PES1: variants seen among roughly 807,000 people sequenced by gnomAD.
PES1 encodes the protein pescadillo homolog.
Under a neutral mutation model 77.1 loss-of-function variants are expected in PES1, and 31 were observed. The ratio of observed to expected loss-of-function variants is 0.40; its 90% confidence interval spans 0.30 to 0.54. The LOEUF (loss-of-function observed/expected upper bound fraction) is 0.54. Among genes scored for constraint, PES1 ranks in the 20% least tolerant of loss-of-function variants. The pLI is 0.45. For missense variants in PES1, 658 were observed against 771.7 expected (o/e 0.85, Z 1.75); for synonymous variants, 282 against 303.0 (o/e 0.93, Z 0.72).
intron 2 of PES1, among the ~76,000 whole-genome samples, chr22:30,598,783 G>A (rs948089531): frequency 2.7e-5 from 4 of 146,694 alleles, no homozygotes; most frequent in African/African-American, 7.6e-5. Context: ...GTTTACATAT[G>A]TTGTATATTG....
At chr22:30,589,126 G>T (rs1227477200) in intron 2 of PES1, 65 bp downstream of exon 2, 27 of 1,188,596 alleles carry the variant, frequency 2.3e-5, no homozygotes, top group Non-Finnish European at 3.1e-5. Flanking sequence ...GGTAAGACAG[G>T]GATGCAGCTG....
intron 2 of PES1, among the ~76,000 whole-genome samples, chr22:30,600,316 T>G (rs910602651): frequency 3.9e-5 from 6 of 152,168 alleles, no homozygotes; most frequent in African/African-American, 1.4e-4. Context: ...CTTCAGCCTC[T>G]CGGCTCCTTC....
At chr22:30,606,003 C>G (rs907179261) in intron 1 of PES1, among the ~76,000 whole-genome samples, 1 of 152,202 alleles carries the variant, frequency 6.6e-6, no homozygotes. Flanking sequence ...ACCCTCTCTT[C>G]TCACACAGGA....
In PES1 at chr22:30,579,926, C is replaced by A; in HGVS notation, c.1179G>T (p.Val393=). Reference sequence around the variant, plus strand: ...CTGAGTCAAACACCCACTGGGGCTGCACGTAGCACCTGGCGCAGAGTGGCA... The same window carrying A: ...CTGAGTCAAACACCCACTGGGGCTGAACGTAGCACCTGGCGCAGAGTGGCA... ...QQTSVIGRCY[V]QPQWVFDSVN... The change falls in exon 12 of 15, where the codon GTG becomes GTT. Residue 393 remains valine, a synonymous_variant. Transcript: ENST00000354694. 1 of 1,613,892 alleles carries A rather than the reference C, an allele frequency of 6.2e-7. No individual in the cohort carries two copies. The highest frequency in any genetic ancestry group is 8.5e-7 in the Non-Finnish European group (1 of 1,179,832).
rs1157693212 is a variant in PES1 at position 30,580,148 on chromosome 22, T to C, written c.1074A>G (p.Lys358=). ...RSFGGEVSWD[K]SLCIGATYDV... Reference sequence around the variant, plus strand: ...CATAGGTGGCCCCAATGCACAAAGATTTGTCCCAGGACACTTCCCCACCAA... The same window carrying C: ...CATAGGTGGCCCCAATGCACAAAGACTTGTCCCAGGACACTTCCCCACCAA... The change falls in exon 11 of 15, where the codon AAA becomes AAG. Residue 358 remains lysine, a synonymous_variant. Transcript: ENST00000354694. 6.2e-7 allele frequency: 1 copy of C among 1,613,894 alleles called. No individual in the cohort carries two copies. Among genetic ancestry groups the C allele is most frequent in the South Asian group, 1.1e-5 (1 of 91,070 alleles).
upstream of PES1, chr22:30,592,489 G>A: frequency 1.2e-6 from 1 of 828,556 alleles, no homozygotes; most frequent in Non-Finnish European, 1.5e-6. Context: ...TGGTGGACTC[G>A]TGGTATATTT....
intron 12 of PES1, 166 bp downstream of exon 12, chr22:30,579,585 G>C: frequency 1.4e-6 from 1 of 707,522 alleles, no homozygotes; most frequent in Non-Finnish European, 2.4e-6. Flanking sequence ...AATAACACCT[G>C]ACCCCAGGAG....
chr22:30,602,807 G>A (rs1005635618), intron 2 of PES1, among the ~76,000 whole-genome samples: 1 of 152,150 alleles, frequency 6.6e-6, no homozygotes, highest in Non-Finnish European at 1.5e-5. Context: ...TGTTTAGGTT[G>A]ATTTGTTTTG....
Position 30,581,075 on chromosome 22 carries a change from C to T in PES1, c.849G>A (p.Leu283=), listed in dbSNP as rs749119249. ...CTGTGGCAGGCACCACCACGCGGGC[C>T]AGGCTGGCACTGAGGGCTGCCAGTT... The part of the protein sequence containing the change: ...MEKLAALSAS[L]ARVVVPATEE... Residue 283 remains leucine (L), a synonymous_variant, in exon 9 of 15, where the codon CTG becomes CTA. Coordinates refer to ENST00000354694, the MANE Select transcript of PES1 (RefSeq NM_014303.4). The T allele has an allele frequency of 3.1e-6, 5 of 1,610,372 alleles. No homozygotes were observed. The highest frequency in any genetic ancestry group is 2.5e-6 in the Non-Finnish European group (3 of 1,178,916).
rs753969426 is a variant in PES1, at chr22:30,588,177, G to A, written c.105-3C>T. 16 of 1,614,184 alleles carry A rather than the reference G, an allele frequency of 9.9e-6. No individual in the cohort carries two copies. The South Asian group carries it at 1.6e-4, about 17-fold the overall frequency. ...TGCCCTTCAGAATGCACAGCCGCCT[G>A]GAAGACAGAGGCCATCTGTTATGTC... is the stretch of plus-strand genomic sequence containing the variant. On this transcript the variant is annotated splice_polypyrimidine_tract_variant and splice_region_variant and intron_variant, in intron 2 of 14. Coordinates refer to ENST00000354694, the MANE Select transcript of PES1 (RefSeq NM_014303.4).
rs1024950581 is a variant in PES1 at position 30,582,599 on chromosome 22, C to T, written c.631-955G>A. 4.6e-5 allele frequency among the ~76,000 whole-genome samples: 7 copies of T among 152,190 alleles called. No homozygotes were observed. In the East Asian group the frequency reaches 5.8e-4, roughly 13 times the overall value. ...GAGCCAGCCCATTTGGCCCCCAGGACGCGGCAGGATGTTCCGAGCAACGTG... is the reference window on the plus strand; with the variant it reads ...GAGCCAGCCCATTTGGCCCCCAGGATGCGGCAGGATGTTCCGAGCAACGTG... On this transcript the variant is annotated intron_variant, in intron 6 of 14. Transcript: ENST00000354694.
chr22:30,585,401 G>T, intron 4 of PES1: 1 of 465,352 alleles, frequency 2.1e-6, no homozygotes, highest in South Asian at 1.6e-5. Flanking sequence ...GGGTCACAGA[G>T]AAGACACGGA....
rs200365193 is a variant in PES1 at position 30,589,264 on chromosome 22, G to A, written c.31C>T (p.Arg11Ter). 6 of 1,613,158 alleles carry A rather than the reference G, an allele frequency of 3.7e-6. No homozygotes were observed. Among genetic ancestry groups the A allele is most frequent in the African/African-American group, 1.3e-5 (1 of 75,008 alleles). MGGLEKKKYE[R>*]GSATNYITRN... ...GTGATGTAGTTGGTGGCCGAGCCTC[G>A]TTCATACTGGGAGAGGAAAAAAACA... Residue 11 changes from arginine (R) to a stop codon, truncating the protein, a stop_gained, in exon 2 of 15, where the codon CGA (arginine) becomes TGA (stop). Transcript: ENST00000354694. LOFTEE classifies it high-confidence loss of function.
Position 30,579,118 on chromosome 22 carries a change from G to T in PES1, c.1521+19C>A. On this transcript the variant is annotated intron_variant, in intron 13 of 14. Transcript: ENST00000354694. ...AGGGCTGCTTCCCAGGCCAAGCCCC[G>T]CATTGCAGCTCCCCCTACCTTCCCC... The T allele has an allele frequency of 1.9e-6, 3 of 1,607,252 alleles. No homozygotes were observed. Among genetic ancestry groups the T allele is most frequent in the Non-Finnish European group, 2.5e-6 (3 of 1,179,696 alleles).
intron 4 of PES1, 108 bp from the exon 5 acceptor site, chr22:30,584,825 A>C: frequency 2.8e-6 from 3 of 1,087,220 alleles, no homozygotes; most frequent in Non-Finnish European, 4.0e-6. Flanking sequence ...GCCAGGCCTC[A>C]CCACTGCCAC....
chr22:30,606,784 A>G (rs2087455415), intron 1 of PES1: 2 of 961,032 alleles, frequency 2.1e-6, no homozygotes, highest in Non-Finnish European at 2.5e-6. Context: ...GCTGAAAAAC[A>G]GCTGACTCCA....
At chr22:30,591,737 A>G in intron 1 of PES1, 73 bp downstream of exon 1, 2 of 1,498,450 alleles carry the variant, frequency 1.3e-6, no homozygotes, top group Non-Finnish European at 1.8e-6. Context: ...GGAGCCCGGG[A>G]AAAGAGTCGA....
chr22:30,588,047 T>C lies in PES1; in HGVS notation c.232A>G (p.Ile78Val), dbSNP rs781769424. 13 of 1,613,950 alleles carry C rather than the reference T, an allele frequency of 8.1e-6. No individual in the cohort carries two copies. In the African/African-American group the frequency reaches 1.3e-4, roughly 17 times the overall value. Residue 78 changes from isoleucine to valine, a missense_variant, in exon 3 of 15, where the codon ATT (isoleucine) becomes GTT (valine). By Grantham distance (29) the Ile-to-Val change is conservative. Transcript: ENST00000354694. ...TTGTATTCACGGAACTTGTTGACAA[T>C]GGGTTCGTGGAGGAGAAACCTGATG... The part of the protein sequence containing the change: ...KDIRFLLHEP[I>V]VNKFREYKVF...
In PES1 at chr22:30,588,154, C is replaced by T. The variant is rs751922764; in HGVS notation, c.125G>A (p.Gly42Asp). 6.2e-7 allele frequency: 1 copy of T among 1,614,152 alleles called. No homozygotes were observed. The highest frequency in any genetic ancestry group is 8.5e-7 in the Non-Finnish European group (1 of 1,180,046). Residue 42 changes from glycine to aspartate, a missense_variant, in exon 3 of 15, where the codon GGC becomes GAC. Transcript: ENST00000354694. ...ADFRRLCILK[G>D]IYPHEPKHKK... ...GTGTTTGGGTTCATGGGGATAAATGCCCTTCAGAATGCACAGCCGCCTGGA... is the reference window on the plus strand; with the variant it reads ...GTGTTTGGGTTCATGGGGATAAATGTCCTTCAGAATGCACAGCCGCCTGGA...
Sources: gnomAD v4.1 joint callset for allele counts (sites outside exome capture counted in the v4.1 genomes callset) on GRCh38, gnomAD v4.1.1 for gene constraint, MANE v1.5 for transcripts, NCBI Gene and HGNC (gene_info 2026-07-23, HGNC 2026-07-21) for gene names.